SNAP25: variants seen among roughly 807,000 people sequenced by gnomAD.
The protein encoded by SNAP25 is synaptosomal-associated protein 25.
SNAP25 carries 3 observed loss-of-function variants against 28.7 expected under a neutral mutation model. The observed-to-expected ratio is 0.10, with a 90% CI of 0.05 to 0.27. The LOEUF is 0.27. Among genes scored for constraint, SNAP25 ranks in the 10% least tolerant of loss-of-function variants. The pLI, the probability that SNAP25 is intolerant of heterozygous loss-of-function variation, is 1.00. For missense variants in SNAP25, 117 were observed against 278.7 expected, an observed-to-expected ratio of 0.42 and a Z score of 4.13; for synonymous variants, 61 against 88.1, an observed-to-expected ratio of 0.69 and a Z score of 1.72.
chr20:10,224,881 C>T (rs868589721), intron 1 of SNAP25, among the ~76,000 whole-genome samples: 1 of 151,750 alleles, frequency 6.6e-6, no homozygotes, highest in Non-Finnish European at 1.5e-5. Context: ...TTGATCATCT[C>T]GTGTGTCTGA....
intron 4 of SNAP25, chr20:10,292,940 T>C (rs1488330239): frequency 6.2e-7 from 1 of 1,613,688 alleles, no homozygotes; most frequent in Non-Finnish European, 8.5e-7. Context: ...TGAAGGAGGC[T>C]GAGAAAAATT....
chr20:10,226,179 ACTGTGAC>A (rs1260256558), intron 1 of SNAP25, among the ~76,000 whole-genome samples: 2 of 152,174 alleles, frequency 1.3e-5, no homozygotes, highest in Non-Finnish European at 1.5e-5. Flanking sequence ...GGTAAATCAC[ACTGTGAC>A]TTCTCTATCA....
At chr20:10,229,981 A>G (rs1231863543) in intron 1 of SNAP25, among the ~76,000 whole-genome samples, 1 of 152,158 alleles carries the variant, frequency 6.6e-6, no homozygotes, top group African/African-American at 2.4e-5. Context: ...CTACTCCAAG[A>G]TTAGACATTG....
Position 10,228,339 on chromosome 20 carries a change from A to G in SNAP25, c.-64+9362A>G, listed in dbSNP as rs139433415. ...TTCGGAACACTTGTCTCTGACTGCA[A>G]AGTCCATGGTTTTCCCCACCACCCC... On this transcript the variant is annotated intron_variant, in intron 1 of 7. Coordinates refer to ENST00000254976, the MANE Select transcript of SNAP25 (RefSeq NM_130811.4). 5.9e-5 allele frequency among the ~76,000 whole-genome samples: 9 copies of G among 152,258 alleles called. No individual in the cohort carries two copies. In the East Asian group the frequency reaches 1.4e-3, roughly 23 times the overall value.
At chr20:10,255,176 A>C (rs1036142313) in intron 1 of SNAP25, among the ~76,000 whole-genome samples, 1 of 152,218 alleles carries the variant, frequency 6.6e-6, no homozygotes, top group African/African-American at 2.4e-5. Context: ...CACGGATAAG[A>C]ATAACGGTTG....
chr20:10,267,214 C>T (rs933321588), intron 1 of SNAP25, among the ~76,000 whole-genome samples: 3 of 151,954 alleles, frequency 2.0e-5, no homozygotes, highest in African/African-American at 7.3e-5. Flanking sequence ...TACTATATGA[C>T]AAAACCTGTA....
chr20:10,296,617 A>G (rs2064116459), intron 5 of SNAP25: 1 of 331,228 alleles, frequency 3.0e-6, no homozygotes, highest in Non-Finnish European at 5.6e-6. Flanking sequence ...ATAGAATTAA[A>G]TGTCCTCCAG....
chr20:10,300,727 A>G (rs1336427223), intron 7 of SNAP25, among the ~76,000 whole-genome samples: 1 of 152,220 alleles, frequency 6.6e-6, no homozygotes, highest in Non-Finnish European at 1.5e-5. Flanking sequence ...GATCAGTATG[A>G]AAACTACGCA....
At chr20:10,262,931 G>C (rs6077710) in intron 1 of SNAP25, among the ~76,000 whole-genome samples, 4 of 151,948 alleles carry the variant, frequency 2.6e-5, no homozygotes, top group African/African-American at 9.7e-5. Flanking sequence ...GGTGGGCGGT[G>C]GGGGGAGTAG....
chr20:10,237,628 G>A (rs1055357189), intron 1 of SNAP25, among the ~76,000 whole-genome samples: 18 of 152,232 alleles, frequency 1.2e-4, no homozygotes, highest in African/African-American at 4.1e-4. Flanking sequence ...CAATATCTGT[G>A]TGCCAGGTAC....
At chr20:10,276,181 G>A (rs533252020) in intron 2 of SNAP25, among the ~76,000 whole-genome samples, 49 of 152,256 alleles carry the variant, frequency 3.2e-4, no homozygotes, top group African/African-American at 1.0e-3. Flanking sequence ...TGGGTACAGC[G>A]GCTCTCACCT....
chr20:10,282,981 G>A (rs1261901708), intron 3 of SNAP25, among the ~76,000 whole-genome samples: 1 of 152,068 alleles, frequency 6.6e-6, no homozygotes, highest in African/African-American at 2.4e-5. Context: ...AATATGTCAG[G>A]GAGCTTGTTA....
chr20:10,273,687 T>G (rs1433548782), intron 1 of SNAP25, among the ~76,000 whole-genome samples: 5 of 152,210 alleles, frequency 3.3e-5, no homozygotes, highest in Admixed American at 1.3e-4. Context: ...GAGCACCACT[T>G]CCTTGCAATG....
At chr20:10,288,822 C>CTT (rs573863106) in intron 4 of SNAP25, among the ~76,000 whole-genome samples, 1 of 141,500 alleles carries the variant, frequency 7.1e-6, no homozygotes, top group Admixed American at 7.1e-5. Context: ...AACTTAGGAC[C>CTT]TTTTTTTTTT....
chr20:10,302,957 A>T (rs2064274702), intron 7 of SNAP25, among the ~76,000 whole-genome samples: 1 of 152,172 alleles, frequency 6.6e-6, no homozygotes, highest in African/African-American at 2.4e-5. Flanking sequence ...CTTTAAGGAT[A>T]TACAGAGTAA....
At chr20:10,281,021 C>T (rs544119854) in intron 3 of SNAP25, among the ~76,000 whole-genome samples, 6 of 151,848 alleles carry the variant, frequency 4.0e-5, no homozygotes, top group Non-Finnish European at 2.9e-5. Flanking sequence ...CATCTCAGAA[C>T]GGCAAAAGAA....
intron 1 of SNAP25, among the ~76,000 whole-genome samples, chr20:10,242,718 TAGTC>T (rs1457151017): frequency 6.6e-6 from 1 of 152,154 alleles, no homozygotes; most frequent in Non-Finnish European, 1.5e-5. Flanking sequence ...GCTCTCCAAA[TAGTC>T]AGCTCCCAGT....
intron 1 of SNAP25, among the ~76,000 whole-genome samples, chr20:10,259,548 AT>A (rs543430975): frequency 7.7e-6 from 1 of 129,644 alleles, no homozygotes; most frequent in African/African-American, 2.7e-5. Context: ...TTTTATTTTT[AT>A]TTTTTTTGAG....
At chr20:10,255,137 T>C (rs2063297449) in intron 1 of SNAP25, among the ~76,000 whole-genome samples, 1 of 152,012 alleles carries the variant, frequency 6.6e-6, no homozygotes, top group Non-Finnish European at 1.5e-5. Flanking sequence ...TCTTTTGGAG[T>C]TTGCCAAATC....
Sources: gnomAD v4.1 joint callset for allele counts (sites outside exome capture counted in the v4.1 genomes callset) on GRCh38, gnomAD v4.1.1 for gene constraint, MANE v1.5 for transcripts, NCBI Gene and HGNC (gene_info 2026-07-23, HGNC 2026-07-21) for gene names.